BLTP1: variants seen among roughly 807,000 people sequenced by gnomAD.
The protein encoded by BLTP1 is fragile site-associated protein.
the BLTP1 span, chr4:122,226,654 A>T: frequency 1.9e-6 from 3 of 1,604,848 alleles, no homozygotes; most frequent in Non-Finnish European, 2.5e-6. Context: ...TGAACTCTAA[A>T]CCCTTGTTTA....
the BLTP1 span, chr4:122,223,920 T>G: frequency 2.8e-5 from 21 of 741,626 alleles, no homozygotes; most frequent in South Asian, 1.2e-4. Context: ...ATCTGTTTTA[T>G]GACATATCCT....
At chr4:122,183,502 C>G in the BLTP1 span, 1 of 985,048 alleles carries the variant, frequency 1.0e-6, no homozygotes, top group East Asian at 1.1e-4. Context: ...TCCATCCTTT[C>G]CACAAGCTGC....
chr4:122,294,892 C>T, the BLTP1 span, among the ~76,000 whole-genome samples: 1 of 152,070 alleles, frequency 6.6e-6, no homozygotes, highest in African/African-American at 2.4e-5. Context: ...GAGCTGATAA[C>T]CAAAATAGCC....
At chr4:122,208,985 TAAAAA>T in the BLTP1 span, 25 of 362,262 alleles carry the variant, frequency 6.9e-5, no homozygotes, top group South Asian at 1.2e-4. Context: ...GTGAGACCAT[TAAAAA>T]AAAAAAAAAA....
At chr4:122,206,593 A>T in the BLTP1 span, among the ~76,000 whole-genome samples, 5 of 151,938 alleles carry the variant, frequency 3.3e-5, no homozygotes, top group African/African-American at 4.8e-5. Flanking sequence ...TATATAACAC[A>T]AAAATTTGGA....
the BLTP1 span, chr4:122,269,159 C>A: frequency 4.5e-6 from 3 of 659,804 alleles, no homozygotes; most frequent in South Asian, 1.4e-4. Flanking sequence ...CAAATATATC[C>A]ATTTATATAT....
chr4:122,315,805 A>G, the BLTP1 span: 1 of 888,892 alleles, frequency 1.1e-6, no homozygotes, highest in Non-Finnish European at 1.8e-6. Context: ...AAGAGAAGGG[A>G]ATGGTGGTTC....
chr4:122,292,587 TA>T, the BLTP1 span: 2 of 924,818 alleles, frequency 2.2e-6, no homozygotes, highest in South Asian at 5.0e-5. Context: ...TTAGGTAATA[TA>T]ACATGAAGAT....
the BLTP1 span, chr4:122,266,875 A>G: frequency 2.5e-6 from 4 of 1,612,546 alleles, no homozygotes; most frequent in Non-Finnish European, 3.4e-6. Flanking sequence ...AACACCTTTC[A>G]TTTTCAGGGA....
the BLTP1 span, among the ~76,000 whole-genome samples, chr4:122,342,504 T>C: frequency 3.9e-5 from 6 of 152,008 alleles, no homozygotes; most frequent in Non-Finnish European, 8.8e-5. Flanking sequence ...TACAGGTGCG[T>C]GCCACCACGC....
the BLTP1 span, chr4:122,263,688 A>G: frequency 1.3e-6 from 1 of 781,460 alleles, no homozygotes. Flanking sequence ...TTAAAAATCA[A>G]ACAAGTACTG....
the BLTP1 span, chr4:122,287,525 A>T: frequency 1.0e-6 from 1 of 977,000 alleles, no homozygotes; most frequent in Non-Finnish European, 1.2e-6. Context: ...CTGCCTTCAG[A>T]CACACTGTGC....
chr4:122,176,964 T>C, the BLTP1 span, among the ~76,000 whole-genome samples: 1 of 152,216 alleles, frequency 6.6e-6, no homozygotes, highest in African/African-American at 2.4e-5. Flanking sequence ...TGAGATTTGA[T>C]AGTAATAAAC....
the BLTP1 span, chr4:122,174,669 A>T: frequency 6.6e-7 from 1 of 1,520,240 alleles, no homozygotes; most frequent in South Asian, 1.2e-5. Context: ...AAATTAAAAA[A>T]TTGAAAAGGA....
the BLTP1 span, among the ~76,000 whole-genome samples, chr4:122,165,147 T>A: frequency 7.9e-5 from 12 of 152,204 alleles, no homozygotes; most frequent in African/African-American, 2.4e-4. Context: ...CGTGTACATG[T>A]GCCATGCTGG....
the BLTP1 span, among the ~76,000 whole-genome samples, chr4:122,193,955 C>T: frequency 1.3e-5 from 2 of 151,698 alleles, no homozygotes; most frequent in Non-Finnish European, 3.0e-5. Flanking sequence ...CTCCGCCTCC[C>T]GGGTTCACGC....
At chr4:122,307,569 A>G in the BLTP1 span, 1 of 985,072 alleles carries the variant, frequency 1.0e-6, no homozygotes, top group South Asian at 4.7e-5. Context: ...TCCTAGCATT[A>G]TGTACCTTAA....
the BLTP1 span, chr4:122,243,856 C>T: frequency 1.5e-5 from 23 of 1,565,018 alleles, 1 homozygote; most frequent in South Asian, 1.3e-4. Context: ...TTGTATAGTA[C>T]GCCGTATACT....
the BLTP1 span, among the ~76,000 whole-genome samples, chr4:122,283,747 C>T: frequency 6.6e-6 from 1 of 152,072 alleles, no homozygotes; most frequent in East Asian, 1.9e-4. Context: ...TGGCCTCAAG[C>T]GATCCGCCTG....
Sources: gnomAD v4.1 joint callset for allele counts (sites outside exome capture counted in the v4.1 genomes callset) on GRCh38, gnomAD v4.1.1 for gene constraint, MANE v1.5 for transcripts, NCBI Gene and HGNC (gene_info 2026-07-23, HGNC 2026-07-21) for gene names.